ATP6V1B1: variants seen among roughly 807,000 people sequenced by gnomAD.
The protein encoded by ATP6V1B1 is V-type proton ATPase subunit B, kidney isoform.
In ATP6V1B1, 41 loss-of-function variants were observed where a neutral mutation model predicts 62.1. That is an observed-to-expected ratio of 0.66 (90% CI 0.51 to 0.86). The LOEUF (loss-of-function observed/expected upper bound fraction) is 0.86, where lower values mean the gene tolerates loss of function less well. ATP6V1B1 is among the 40% of genes least tolerant of loss of function. The pLI is 0.00. For synonymous variants in ATP6V1B1, 253 were observed against 273.4 expected (o/e 0.93, Z 0.74); for missense variants, 651 against 697.5 (o/e 0.93, Z 0.75).
Position 70,962,851 on chromosome 2 carries a change from T to C in ATP6V1B1, c.860T>C (p.Val287Ala), listed in dbSNP as rs375067328. ...EFLAYQCEKH[V>A]LVILTDMSSY... Reference sequence around the variant, plus strand: ...CTTGCCTACCAGTGTGAGAAGCATGTGCTGGTCATACTGACGGACATGAGT... The same window carrying C: ...CTTGCCTACCAGTGTGAGAAGCATGCGCTGGTCATACTGACGGACATGAGT... The change falls in exon 9 of 14, where the codon GTG becomes GCG. Residue 287 changes from valine to alanine, a missense_variant. Val to Ala is a moderately conservative substitution (Grantham distance 64). Coordinates refer to ENST00000234396, the MANE Select transcript of ATP6V1B1 (RefSeq NM_001692.4). 24 of 1,614,074 alleles carry C rather than the reference T, an allele frequency of 1.5e-5. No individual in the cohort carries two copies. The African/African-American group carries it at 3.1e-4, about 21-fold the overall frequency.
chr2:70,947,931 C>T (rs1680224840), intron 2 of ATP6V1B1, among the ~76,000 whole-genome samples: 1 of 152,196 alleles, frequency 6.6e-6, no homozygotes, highest in Admixed American at 6.5e-5. Context: ...CTATCCCCCA[C>T]GGGAATTCTC....
At chr2:70,964,114 A>ATTTGTT in intron 11 of ATP6V1B1, 1 of 123,588 alleles carries the variant, frequency 8.1e-6, no homozygotes, top group Non-Finnish European at 1.3e-5. Context: ...CTTGGCAGGT[A>ATTTGTT]TTTTTTTTTT....
intron 1 of ATP6V1B1, 198 bp from the exon 2 acceptor site, chr2:70,943,460 C>T (rs782764023): frequency 3.1e-5 from 22 of 700,244 alleles, no homozygotes; most frequent in South Asian, 6.1e-5. Context: ...TGCAGGTGTC[C>T]GAGCAGCAGG....
At chr2:70,950,669 A>G (rs1680302414) in intron 2 of ATP6V1B1, among the ~76,000 whole-genome samples, 1 of 152,140 alleles carries the variant, frequency 6.6e-6, no homozygotes, top group Non-Finnish European at 1.5e-5. Flanking sequence ...TATCTTATTC[A>G]TTCTAAAACC....
chr2:70,947,124 C>CAG (rs1307541055), intron 2 of ATP6V1B1, among the ~76,000 whole-genome samples: 6 of 151,234 alleles, frequency 4.0e-5, no homozygotes, highest in Non-Finnish European at 7.4e-5. Context: ...TTGTGTAGAT[C>CAG]AGAGGTTCTT....
Position 70,960,988 on chromosome 2 carries a change from A to G in ATP6V1B1, c.653A>G (p.Asp218Gly). The stretch of plus-strand genomic sequence containing the variant: ...TCCAAGGCTGTGCTGGATTACCATG[A>G]CGACAACTTCGCCATCGTCTTTGCA... ...KKSKAVLDYH[D>G]DNFAIVFAAM... Residue 218 changes from aspartate (D) to glycine (G), a missense_variant, in exon 7 of 14, where the codon GAC (aspartate) becomes GGC (glycine). Transcript: ENST00000234396. 6.2e-7 allele frequency: 1 copy of G among 1,603,266 alleles called. No homozygotes were observed. Among genetic ancestry groups the G allele is most frequent in the Non-Finnish European group, 8.5e-7 (1 of 1,174,968 alleles).
At chr2:70,941,099 G>A (rs1303703654) in intron 1 of ATP6V1B1, 7 of 460,060 alleles carry the variant, frequency 1.5e-5, no homozygotes, top group Non-Finnish European at 2.0e-5. Context: ...AAATTTTTCT[G>A]TAGAGACGAG....
rs545393243 is a variant in ATP6V1B1, at chr2:70,963,624, C to G, written c.1113C>G (p.Ile371Met). 1 of 1,614,196 alleles carries G rather than the reference C, an allele frequency of 6.2e-7. No homozygotes were observed. Among genetic ancestry groups the G allele is most frequent in the African/African-American group, 1.3e-5 (1 of 75,040 alleles). Residue 371 changes from isoleucine to methionine, a missense_variant, in exon 11 of 14, where the codon ATC becomes ATG. Physicochemically the swap from Ile to Met is conservative, Grantham distance 10. Transcript: ENST00000234396. This position sits in a 1 kb window ranked among gnomAD's most constrained non-coding sequence, Gnocchi z 4.3. Reference sequence around the variant, plus strand: ...CGGGCTTCATCACAGAGGGACAGATCTACGTGGACAGACAGCTTCACAACA... The same window carrying G: ...CGGGCTTCATCACAGAGGGACAGATGTACGTGGACAGACAGCTTCACAACA... Reference protein sequence around the residue: ...DLTGFITEGQIYVDRQLHNRQ... With the variant: ...DLTGFITEGQMYVDRQLHNRQ...
chr2:70,942,199 T>C (rs1216545404), intron 1 of ATP6V1B1: 5 of 440,744 alleles, frequency 1.1e-5, no homozygotes, highest in Admixed American at 8.8e-5. Flanking sequence ...ACCTCCTTAG[T>C]GGGAATAGGA....
chr2:70,959,216 C>G lies in ATP6V1B1; in HGVS notation c.445+121C>G, dbSNP rs182227049. 1.0e-3 allele frequency: 1,110 copies of G among 1,067,562 alleles called. 1 individual carries two copies. The highest frequency in any genetic ancestry group is 1.4e-3 in the Non-Finnish European group (999 of 705,506). The allele number at this position is 1,067,562 out of a possible 1,614,324, so 66.1% of individuals were successfully genotyped here. The stretch of plus-strand genomic sequence containing the variant: ...TGATGGGAGAGCAGCAAAGGCCTCT[C>G]TATCCCCAAATCTTCCACTGAACCC... On this transcript the variant is annotated intron_variant, in intron 5 of 13. Coordinates refer to ENST00000234396, the MANE Select transcript of ATP6V1B1 (RefSeq NM_001692.4). The surrounding 1 kb of genome is among the most constrained non-coding windows in gnomAD (Gnocchi z 4.2).
Position 70,942,882 on chromosome 2 carries a change from C to T in ATP6V1B1, c.119-776C>T, listed in dbSNP as rs545737702. On this transcript the variant is annotated intron_variant, in intron 1 of 13. Transcript: ENST00000234396. ...ATGGGCAAGGGACTGTCCCAGGTCTCTCAGCCAGCCTCTAGCAGAACCAAA... is the reference window on the plus strand; with the variant it reads ...ATGGGCAAGGGACTGTCCCAGGTCTTTCAGCCAGCCTCTAGCAGAACCAAA... 2.6e-5 allele frequency among the ~76,000 whole-genome samples: 4 copies of T among 152,342 alleles called. No homozygotes were observed. The East Asian group carries it at 7.7e-4, about 29-fold the overall frequency.
At chr2:70,937,934 C>A (rs1157115192) in intron 1 of ATP6V1B1, among the ~76,000 whole-genome samples, 3 of 152,116 alleles carry the variant, frequency 2.0e-5, no homozygotes, top group African/African-American at 7.2e-5. Flanking sequence ...GCCCGCCCCC[C>A]ATGTTTGCAT....
chr2:70,957,284 G>GA (rs1680462781), intron 2 of ATP6V1B1, among the ~76,000 whole-genome samples: 1 of 150,536 alleles, frequency 6.6e-6, no homozygotes, highest in Non-Finnish European at 1.5e-5. Context: ...ATTTTCAGTA[G>GA]AAACGGGGTT....
intron 13 of ATP6V1B1, 24 bp from the exon 14 acceptor site, chr2:70,964,934 C>T: frequency 6.2e-7 from 1 of 1,614,038 alleles, no homozygotes; most frequent in South Asian, 1.1e-5. Flanking sequence ...ACATTCCTAA[C>T]ACTCCCTCCC....
chr2:70,956,506 G>A (rs782429858), intron 2 of ATP6V1B1, among the ~76,000 whole-genome samples: 7 of 152,210 alleles, frequency 4.6e-5, no homozygotes, highest in African/African-American at 9.6e-5. Flanking sequence ...TATGAATATT[G>A]CCAGACTGCT....
chr2:70,961,640 G>T lies in ATP6V1B1; in HGVS notation c.732G>T (p.Gln244His), dbSNP rs574114525. Residue 244 changes from glutamine (Q) to histidine (H), a missense_variant, in exon 8 of 14, where the codon CAG becomes CAT. Physicochemically the swap from Gln to His is conservative, Grantham distance 24. Transcript: ENST00000234396. Reference sequence around the variant, plus strand: ...GATTCTTCAAGTCTGACTTTGAGCAGAATGGAACCATGGGGAACGTCTGCC... The same window carrying T: ...GATTCTTCAAGTCTGACTTTGAGCATAATGGAACCATGGGGAACGTCTGCC... The part of the protein sequence containing the change: ...TARFFKSDFE[Q>H]NGTMGNVCLF... 1 of 1,614,124 alleles carries T rather than the reference G, an allele frequency of 6.2e-7. No individual in the cohort carries two copies. Among genetic ancestry groups the T allele is most frequent in the East Asian group, 2.2e-5 (1 of 44,898 alleles).
At chr2:70,943,138 G>A (rs1167110320) in intron 1 of ATP6V1B1, among the ~76,000 whole-genome samples, 3 of 152,104 alleles carry the variant, frequency 2.0e-5, no homozygotes, top group African/African-American at 7.2e-5. Flanking sequence ...TGAGAGCAGA[G>A]GCCCCGTCTG....
At chr2:70,940,355 T>TA in intron 1 of ATP6V1B1, 1 of 632,026 alleles carries the variant, frequency 1.6e-6, no homozygotes, top group Non-Finnish European at 2.0e-6. Context: ...CACCTCCCTA[T>TA]CCAGCCCACC....
At chr2:70,958,206 C>A (rs1553419408) in intron 3 of ATP6V1B1, 62 bp downstream of exon 3, 1 of 1,593,148 alleles carries the variant, frequency 6.3e-7, no homozygotes, top group African/African-American at 1.3e-5. Flanking sequence ...AAAGTTCCCA[C>A]ACTATCTACA....
Sources: gnomAD v4.1 joint callset for allele counts (sites outside exome capture counted in the v4.1 genomes callset) on GRCh38, gnomAD v4.1.1 for gene constraint, Gnocchi (gnomAD v3.1) non-coding constraint, MANE v1.5 for transcripts, NCBI Gene and HGNC (gene_info 2026-07-23, HGNC 2026-07-21) for gene names.